Variants in ATXN1 observed in about 807,000 individuals in gnomAD.
ATXN1 encodes the protein ataxin 1.
ATXN1 carries 8 observed loss-of-function variants against 56.4 expected under a neutral mutation model. That is an observed-to-expected ratio of 0.14 (90% CI 0.08 to 0.26). ATXN1 has a LOEUF of 0.26. Among genes scored for constraint, ATXN1 ranks in the 10% least tolerant of loss-of-function variants. The pLI, the probability that ATXN1 is intolerant of heterozygous loss-of-function variation, is 1.00. For missense variants in ATXN1, 987 were observed against 1,106.5 expected (o/e 0.89, Z 1.53); for synonymous variants, 514 against 494.6 (o/e 1.04, Z -0.52).
Position 16,570,932 on chromosome 6 carries a change from T to C in ATXN1, c.-361+14848A>G, listed in dbSNP as rs1762321454. 6.6e-5 allele frequency among the ~76,000 whole-genome samples: 10 copies of C among 151,308 alleles called. No homozygotes were observed. In the Admixed American group the frequency reaches 6.6e-4, roughly 10 times the overall value. ...GAAAGATCCAGGGATTAAATAATTA[T>C]GTGCTTCCTGTGTGGTGGCCTAAGA... On this transcript the variant is annotated intron_variant, in intron 4 of 7. Transcript: ENST00000436367.
intron 2 of ATXN1, among the ~76,000 whole-genome samples, chr6:16,673,017 C>T (rs146975403): frequency 2.6e-5 from 2 of 76,230 alleles, no homozygotes; most frequent in Admixed American, 1.5e-4. Context: ...CGTTCCCCCC[C>T]GCCAAAAAAA....
Position 16,475,365 on chromosome 6 carries a change from C to T in ATXN1, c.-161+10607G>A, listed in dbSNP as rs371984208. Among the ~76,000 whole-genome samples the T allele has an allele frequency of 4.6e-5, 7 of 152,310 alleles. No individual in the cohort carries two copies. In the East Asian group the frequency reaches 9.6e-4, roughly 21 times the overall value. ...CTACAACAAAGAGATGAGCAAGTTG[C>T]AACTGCTCACCTGTTCACTTCAGCA... On this transcript the variant is annotated intron_variant, in intron 6 of 7. Transcript: ENST00000436367.
intron 4 of ATXN1, among the ~76,000 whole-genome samples, chr6:16,571,936 T>C (rs138602493): frequency 9.5e-4 from 145 of 152,322 alleles, no homozygotes; most frequent in African/African-American, 3.3e-3. Flanking sequence ...GTGCTGGGAT[T>C]GCAGGGGTGA....
In ATXN1 at chr6:16,303,305, C is replaced by CG. The variant is rs1760158798; in HGVS notation, c.*3023dup. 6.6e-6 allele frequency: 1 copy of CG among 152,404 alleles called. No homozygotes were observed. 9.4% of individuals were successfully genotyped at this position (152,404 alleles called of 1,614,324 possible). A position where few individuals can be genotyped will look rare whatever the true frequency, so the allele number is the denominator to read the frequency against. ...ACAGGGGACACTGCGGTTCCTCCCC[C>CG]GGGTCTCCTTGGCTGGCTCTTTCTG... On this transcript the variant is annotated 3_prime_UTR_variant, in exon 8 of 8. Coordinates refer to ENST00000436367, the MANE Select transcript of ATXN1 (RefSeq NM_001128164.2). The surrounding 1 kb of genome is among the most constrained non-coding windows in gnomAD (Gnocchi z 4.3).
intron 4 of ATXN1, among the ~76,000 whole-genome samples, chr6:16,562,832 C>T (rs1484704699): frequency 6.6e-6 from 1 of 151,930 alleles, no homozygotes; most frequent in Non-Finnish European, 1.5e-5. Flanking sequence ...AAAATAAGGG[C>T]TCCTTTAGTT....
chr6:16,715,770 A>G (rs1194196691), intron 2 of ATXN1, among the ~76,000 whole-genome samples: 1 of 152,214 alleles, frequency 6.6e-6, no homozygotes, highest in Admixed American at 6.5e-5. Context: ...CCCCTAGAAT[A>G]TAAGCCAAAG....
At chr6:16,458,775 C>A (rs752143828) in intron 6 of ATXN1, among the ~76,000 whole-genome samples, 9 of 152,222 alleles carry the variant, frequency 5.9e-5, no homozygotes, top group Non-Finnish European at 1.2e-4. Context: ...CACCCATGTC[C>A]ACTATGCCAA....
At chr6:16,531,649 CCCATGTTAGAA>C (rs1209349765) in intron 4 of ATXN1, among the ~76,000 whole-genome samples, 2 of 149,488 alleles carry the variant, frequency 1.3e-5, no homozygotes, top group Non-Finnish European at 1.5e-5. Context: ...AAAAGTGCTA[CCCATGTTAGAA>C]ACCTTTTGGT....
intron 3 of ATXN1, among the ~76,000 whole-genome samples, chr6:16,618,017 C>A (rs2113797869): frequency 6.6e-6 from 1 of 150,866 alleles, no homozygotes. Context: ...AGTTATCTGA[C>A]CCTAGTGAAT....
intron 3 of ATXN1, among the ~76,000 whole-genome samples, chr6:16,613,852 G>C (rs369511598): frequency 4.2e-4 from 63 of 151,704 alleles, no homozygotes; most frequent in Middle Eastern, 6.8e-3. Context: ...AATATAAATA[G>C]AAATGACAAA....
chr6:16,649,839 A>G (rs188217150), intron 3 of ATXN1, among the ~76,000 whole-genome samples: 2 of 152,358 alleles, frequency 1.3e-5, no homozygotes, highest in African/African-American at 4.8e-5. Flanking sequence ...TTGGAATACA[A>G]GGTTTAAGAT....
At chr6:16,623,046 T>C (rs754757149) in intron 3 of ATXN1, among the ~76,000 whole-genome samples, 19 of 152,228 alleles carry the variant, frequency 1.2e-4, no homozygotes, top group Non-Finnish European at 2.6e-4. Flanking sequence ...ATCATTCACT[T>C]TCATTGTTGT....
At chr6:16,547,455 G>A (rs2282834) in intron 4 of ATXN1, among the ~76,000 whole-genome samples, 16,871 of 152,168 alleles carry the variant, frequency 0.11, 1,087 homozygotes, top group Middle Eastern at 0.15. Context: ...TGCACCAGGC[G>A]TCAGAGAGAA....
At chr6:16,452,991 T>C (rs1280667877) in intron 6 of ATXN1, among the ~76,000 whole-genome samples, 5 of 152,232 alleles carry the variant, frequency 3.3e-5, no homozygotes, top group Admixed American at 3.3e-4. Context: ...TTTATCACCA[T>C]CATTTGCATC....
intron 3 of ATXN1, among the ~76,000 whole-genome samples, chr6:16,630,741 T>C (rs746382874): frequency 9.2e-5 from 14 of 152,240 alleles, no homozygotes; most frequent in Non-Finnish European, 2.9e-5. Flanking sequence ...GAGATAATGA[T>C]ACTTGTCAGA....
intron 6 of ATXN1, among the ~76,000 whole-genome samples, chr6:16,453,088 C>T (rs537746735): frequency 4.6e-5 from 7 of 152,196 alleles, no homozygotes; most frequent in East Asian, 1.9e-4. Flanking sequence ...GAAAAGTTGA[C>T]GTGAGAAAAT....
At position 16,662,613 on chromosome 6, in the gene ATXN1, C is replaced by T. The variant is rs74944537; in HGVS notation, c.-614-4712G>A. On this transcript the variant is annotated intron_variant, in intron 2 of 7. Coordinates refer to ENST00000436367, the MANE Select transcript of ATXN1 (RefSeq NM_001128164.2). ...CCTCCCAAAGTGCTGGGATTACAGG[C>T]GTGGGCCACTGCACCCGGCCATTCA... is the stretch of plus-strand genomic sequence containing the variant. Among the ~76,000 whole-genome samples the T allele has an allele frequency of 3.0e-3, 460 of 152,318 alleles. 4 individuals carry two copies. Among genetic ancestry groups the T allele is most frequent in the East Asian group, 0.011 (59 of 5,176 alleles).
chr6:16,638,697 G>A (rs1763645921), intron 3 of ATXN1, among the ~76,000 whole-genome samples: 1 of 152,096 alleles, frequency 6.6e-6, no homozygotes, highest in South Asian at 2.1e-4. Flanking sequence ...ATACATTTTT[G>A]CTGAGTACAC....
intron 6 of ATXN1, among the ~76,000 whole-genome samples, chr6:16,435,010 T>G (rs1039355455): frequency 6.6e-6 from 1 of 151,982 alleles, no homozygotes; most frequent in Non-Finnish European, 1.5e-5. Flanking sequence ...CGAAAGACAC[T>G]GAGGAGATTG....
Sources: gnomAD v4.1 joint callset for allele counts (sites outside exome capture counted in the v4.1 genomes callset) on GRCh38, gnomAD v4.1.1 for gene constraint, Gnocchi (gnomAD v3.1) non-coding constraint, MANE v1.5 for transcripts, NCBI Gene and HGNC (gene_info 2026-07-23, HGNC 2026-07-21) for gene names.